The following HYKK variants were observed in gnomAD, a reference collection of about 807,000 sequenced individuals.
HYKK encodes the protein hydroxylysine kinase, also known as 5-hydroxy-L-lysine kinase.
Under a neutral mutation model 29.7 loss-of-function variants are expected in HYKK, and 19 were observed. The ratio of observed to expected loss-of-function variants is 0.64; its 90% CI spans 0.45 to 0.94. HYKK has a LOEUF of 0.94. Ranked by LOEUF, HYKK falls within the 40% of genes least tolerant of loss-of-function variation. The pLI, the probability that HYKK is intolerant of heterozygous loss-of-function variation, is 0.00. For synonymous variants in HYKK, 152 were observed against 158.1 expected, an observed-to-expected ratio of 0.96 and a Z score of 0.29; for missense variants, 390 against 443.4, an observed-to-expected ratio of 0.88 and a Z score of 1.08.
At chr15:78,510,842 G>A (rs1014992112) in intron 1 of HYKK, among the ~76,000 whole-genome samples, 5 of 151,648 alleles carry the variant, frequency 3.3e-5, no homozygotes, top group Non-Finnish European at 5.9e-5. Context: ...AAGCCATGTC[G>A]CCAAAGCCTA....
intron 3 of HYKK, among the ~76,000 whole-genome samples, chr15:78,517,623 GT>G (rs1339464892): frequency 3.3e-5 from 5 of 152,108 alleles, no homozygotes; most frequent in African/African-American, 4.8e-5. Flanking sequence ...GTTTTGAGCA[GT>G]TTGATTAAGG....
At chr15:78,517,521 G>A (rs2052148724) in intron 3 of HYKK, among the ~76,000 whole-genome samples, 1 of 152,048 alleles carries the variant, frequency 6.6e-6, no homozygotes, top group Non-Finnish European at 1.5e-5. Flanking sequence ...GGGGGTTGCA[G>A]TGAACCAAGA....
Position 78,513,175 on chromosome 15 carries a change from G to A in HYKK, c.87G>A (p.Val29=). 2 of 1,614,156 alleles carry A rather than the reference G, an allele frequency of 1.2e-6. No homozygotes were observed. Among genetic ancestry groups the A allele is most frequent in the South Asian group, 1.1e-5 (1 of 91,084 alleles). Residue 29 remains valine, a synonymous_variant, in exon 2 of 5, where the codon GTG becomes GTA. Transcript: ENST00000388988. ...AAGCCTCTGCGTTAGTGGAGTCAGT[G>A]TTTGGGTTGAAAGTTTCCAAGGTCC... The part of the protein sequence containing the change: ...EEQASALVES[V]FGLKVSKVRP...
chr15:78,511,933 T>G (rs2052077492), intron 1 of HYKK, among the ~76,000 whole-genome samples: 1 of 152,170 alleles, frequency 6.6e-6, no homozygotes, highest in Admixed American at 6.5e-5. Flanking sequence ...TGTAGTAATT[T>G]CTCTCCCTCT....
chr15:78,534,833 A>T lies in HYKK; in HGVS notation c.*1163A>T, dbSNP rs1235215702. On this transcript the variant is annotated 3_prime_UTR_variant, in exon 5 of 5. Coordinates refer to ENST00000388988, the MANE Select transcript of HYKK (RefSeq NM_001013619.4). Reference sequence around the variant, plus strand: ...GGCCACTAACCCCTGAGCTACTTAAATATAATGGTTCCTTTCAGACTGATA... The same window carrying T: ...GGCCACTAACCCCTGAGCTACTTAATTATAATGGTTCCTTTCAGACTGATA... 2 of 152,214 alleles carry T rather than the reference A, an allele frequency of 1.3e-5. No homozygotes were observed. The highest frequency in any genetic ancestry group is 3.8e-4 in the East Asian group (2 of 5,202). 9.4% of individuals were successfully genotyped at this position (152,214 alleles called of 1,614,324 possible). A position where few individuals can be genotyped will look rare whatever the true frequency, so the allele number is the denominator to read the frequency against.
intron 3 of HYKK, among the ~76,000 whole-genome samples, chr15:78,525,776 G>T (rs374062765): frequency 6.6e-6 from 1 of 152,208 alleles, no homozygotes; most frequent in Non-Finnish European, 1.5e-5. Context: ...TGGGATTACA[G>T]GCATGAGCCA....
chr15:78,531,399 CTT>C (rs2052310772), intron 4 of HYKK, among the ~76,000 whole-genome samples: 1 of 152,108 alleles, frequency 6.6e-6, no homozygotes, highest in African/African-American at 2.4e-5. Flanking sequence ...TTTTCTGTAA[CTT>C]TCACTTACAT....
At chr15:78,527,285 CAAAAAAAA>C in intron 3 of HYKK, 87 bp from the exon 4 acceptor site, 1 of 761,168 alleles carries the variant, frequency 1.3e-6, no homozygotes, top group African/African-American at 2.2e-5. Context: ...GACTCTGTCT[CAAAAAAAA>C]AAAAAAAAAA....
downstream of HYKK, chr15:78,536,677 ATCAATT>A (rs1348572494): frequency 6.6e-6 from 1 of 152,214 alleles, no homozygotes; most frequent in Non-Finnish European, 1.5e-5. Context: ...TCTCCAATCA[ATCAATT>A]TCATGTGGTT....
At chr15:78,530,931 G>A (rs771179678) in intron 4 of HYKK, among the ~76,000 whole-genome samples, 4 of 152,024 alleles carry the variant, frequency 2.6e-5, no homozygotes, top group South Asian at 4.2e-4. Flanking sequence ...GTTCAGTGGC[G>A]TGATCTCGGC....
At chr15:78,523,125 G>C (rs1303914446) in intron 3 of HYKK, among the ~76,000 whole-genome samples, 1 of 152,160 alleles carries the variant, frequency 6.6e-6, no homozygotes, top group African/African-American at 2.4e-5. Flanking sequence ...TTCTCAAATT[G>C]CTATAAAGAA....
At chr15:78,521,878 C>T (rs1181670768) in intron 3 of HYKK, among the ~76,000 whole-genome samples, 1 of 152,044 alleles carries the variant, frequency 6.6e-6, no homozygotes, top group Non-Finnish European at 1.5e-5. Context: ...CTGCGTGGGT[C>T]AATCGTGCCA....
At position 78,510,384 on chromosome 15, in the gene HYKK, A is replaced by T. The variant is rs550856711; in HGVS notation, c.-5-2700A>T. Among the ~76,000 whole-genome samples the T allele has an allele frequency of 2.6e-5, 4 of 151,716 alleles. No individual in the cohort carries two copies. The East Asian group carries it at 7.8e-4, about 29-fold the overall frequency. On this transcript the variant is annotated intron_variant, in intron 1 of 4. Transcript: ENST00000388988. ...TTATTTTTATTTTTATTTTTAGTAG[A>T]GATGGGGTTTCGCCATGTTGGCCAG...
chr15:78,525,083 G>A (rs1291359023), intron 3 of HYKK, among the ~76,000 whole-genome samples: 3 of 152,162 alleles, frequency 2.0e-5, no homozygotes, highest in Non-Finnish European at 4.4e-5. Flanking sequence ...ATTATCAGGG[G>A]AAGGTTCTCA....
intron 4 of HYKK, chr15:78,527,916 C>G (rs1226231739): frequency 4.9e-6 from 1 of 202,474 alleles, no homozygotes; most frequent in African/African-American, 2.4e-5. Flanking sequence ...GCATGTTTTG[C>G]AGATTGATCC....
At chr15:78,510,879 A>T (rs891587207) in intron 1 of HYKK, among the ~76,000 whole-genome samples, 5 of 152,040 alleles carry the variant, frequency 3.3e-5, no homozygotes, top group African/African-American at 1.2e-4. Flanking sequence ...CTTGCCTCTC[A>T]GAAAGTTCTC....
At chr15:78,530,196 ATTTATT>A (rs1258856774) in intron 4 of HYKK, among the ~76,000 whole-genome samples, 925 of 65,816 alleles carry the variant, frequency 0.014, 12 homozygotes, top group African/African-American at 0.044. Context: ...ACCATTATTT[ATTTATT>A]TTTTTTTTTT....
intron 3 of HYKK, among the ~76,000 whole-genome samples, chr15:78,516,081 G>A (rs1314680867): frequency 6.6e-6 from 1 of 152,046 alleles, no homozygotes; most frequent in South Asian, 2.1e-4. Flanking sequence ...TAGCTAGGTT[G>A]CAAATGGATT....
chr15:78,534,300 A>T lies in HYKK; in HGVS notation c.*630A>T, dbSNP rs925068786. On this transcript the variant is annotated 3_prime_UTR_variant, in exon 5 of 5. Transcript: ENST00000388988. The stretch of plus-strand genomic sequence containing the variant: ...AGTCTCGCTCTGTCGCCCAGGCTGG[A>T]GTGCAGTGGCACGATCTCGGCTCAT... 4.6e-5 allele frequency: 6 copies of T among 129,278 alleles called. No homozygotes were observed. The highest frequency in any genetic ancestry group is 9.2e-5 in the Non-Finnish European group (6 of 65,010). The allele number at this position is 129,278 out of a possible 1,614,324, so 8.0% of individuals were successfully genotyped here.
Sources: allele counts gnomAD v4.1 joint callset (sites outside exome capture counted in the v4.1 genomes callset), GRCh38; gene constraint gnomAD v4.1.1; transcripts MANE v1.5; gene names NCBI Gene and HGNC (gene_info 2026-07-23, HGNC 2026-07-21).